Variants in ANK2 observed in about 807,000 individuals in gnomAD.
ANK2 encodes the protein ankyrin-2.
A neutral mutation model predicts 360.5 loss-of-function variants in ANK2; 83 were observed. That is an observed-to-expected ratio of 0.23 (90% CI 0.19 to 0.28). The LOEUF (loss-of-function observed/expected upper bound fraction) is 0.28. Among genes scored for constraint, ANK2 ranks in the 10% least tolerant of loss-of-function variants. The pLI is 1.00. For synonymous variants in ANK2, 1,740 were observed against 1,759.5 expected (o/e 0.99, Z 0.28); for missense variants, 4,201 against 4,795.7 (o/e 0.88, Z 3.66).
At chr4:113,293,664 G>T in intron 22 of ANK2, 126 bp downstream of exon 22, 1 of 925,362 alleles carries the variant, frequency 1.1e-6, no homozygotes, top group South Asian at 1.4e-5. Flanking sequence ...TTTGTTGAAA[G>T]TATTGTAGCA....
chr4:112,752,840 A>AT, the ANK2 span, among the ~76,000 whole-genome samples: 1 of 152,022 alleles, frequency 6.6e-6, no homozygotes, highest in Admixed American at 6.5e-5. Flanking sequence ...TAATTTTTGT[A>AT]TTTTTTGTAG....
rs1172908452 is a variant in ANK2 at position 113,359,633 on chromosome 4, T to G, written c.10681+334T>G. ...TGAAGTCCCAAGCTTAGACTCAAAT[T>G]AAGCACTTTTGCACATAAATATATT... On this transcript the variant is annotated intron_variant, in intron 38 of 45. Coordinates refer to ENST00000357077, the MANE Select transcript of ANK2 (RefSeq NM_001148.6). Among the ~76,000 whole-genome samples, 3 of 152,338 alleles carry G rather than the reference T, an allele frequency of 2.0e-5. No homozygotes were observed. The East Asian group carries it at 5.8e-4, about 29-fold the overall frequency.
rs772639803 is a variant in ANK2, at chr4:113,356,958, G to A, written c.8340G>A (p.Met2780Ile). Residue 2780 changes from methionine (M) to isoleucine (I), a missense_variant, in exon 38 of 46, where the codon ATG becomes ATA. Met to Ile is a conservative substitution (Grantham distance 10, BLOSUM62 1). Transcript: ENST00000357077. ...GTGATGGCCATGGATGTGAGGCCAT[G>A]AGTCCTAGCAGCTCAGCTGCTCCTG... Reference protein sequence around the residue: ...KICDGHGCEAMSPSSSAAPVS... With the variant: ...KICDGHGCEAISPSSSAAPVS... 3.1e-6 allele frequency: 5 copies of A among 1,614,090 alleles called. No individual in the cohort carries two copies. Among genetic ancestry groups the A allele is most frequent in the African/African-American group, 1.3e-5 (1 of 75,044 alleles).
chr4:112,712,730 A>T, the ANK2 span, among the ~76,000 whole-genome samples: 1 of 152,138 alleles, frequency 6.6e-6, no homozygotes, highest in Admixed American at 6.5e-5. Context: ...TTTAATTTTT[A>T]TTTTATAAAA....
At chr4:113,379,123 A>G (rs924143434) in intron 45 of ANK2, among the ~76,000 whole-genome samples, 1 of 152,230 alleles carries the variant, frequency 6.6e-6, no homozygotes, top group Admixed American at 6.5e-5. Context: ...GGAATTTAAA[A>G]GAGTGTAATT....
At chr4:113,205,235 CAAAAAAAAAA>C (rs369993364) in intron 4 of ANK2, among the ~76,000 whole-genome samples, 2 of 64,026 alleles carry the variant, frequency 3.1e-5, no homozygotes, top group South Asian at 9.2e-4. Flanking sequence ...GACTCCGTCT[CAAAAAAAAAA>C]AAAAAAAAAA....
intron 2 of ANK2, among the ~76,000 whole-genome samples, chr4:112,936,325 C>T (rs2154241909): frequency 6.6e-6 from 1 of 151,666 alleles, no homozygotes; most frequent in East Asian, 1.9e-4. Flanking sequence ...TTTCTATGTG[C>T]TAGATACTTT....
the ANK2 span, among the ~76,000 whole-genome samples, chr4:112,764,143 C>T: frequency 2.0e-5 from 3 of 150,830 alleles, no homozygotes; most frequent in Middle Eastern, 3.5e-3. Flanking sequence ...CGGGGTTTCA[C>T]CATCTTGGCC....
At chr4:113,218,355 T>C (rs569175224) in intron 4 of ANK2, among the ~76,000 whole-genome samples, 1 of 152,110 alleles carries the variant, frequency 6.6e-6, no homozygotes, top group South Asian at 2.1e-4. Flanking sequence ...GGAATCCCCT[T>C]GGAATGTGTC....
At chr4:112,749,980 G>A in the ANK2 span, among the ~76,000 whole-genome samples, 5 of 152,138 alleles carry the variant, frequency 3.3e-5, no homozygotes, top group Admixed American at 2.0e-4. Context: ...TCCTGACCCC[G>A]TGATCCGCCC....
chr4:113,120,323 T>A (rs1582166509), intron 1 of ANK2, among the ~76,000 whole-genome samples: 1 of 152,272 alleles, frequency 6.6e-6, no homozygotes, highest in Middle Eastern at 3.4e-3. Flanking sequence ...TAGCAAGTAA[T>A]TTCTTTGTAT....
chr4:112,941,678 GATAT>G (rs1192869240), intron 2 of ANK2, among the ~76,000 whole-genome samples: 1 of 142,076 alleles, frequency 7.0e-6, no homozygotes, highest in Non-Finnish European at 1.5e-5. Flanking sequence ...TATATAAAAG[GATAT>G]ATAAAGATAT....
the ANK2 span, among the ~76,000 whole-genome samples, chr4:112,734,451 G>A: frequency 6.6e-6 from 1 of 152,140 alleles, no homozygotes; most frequent in African/African-American, 2.4e-5. Context: ...CTTTTCCTGT[G>A]TCCAGAGTCA....
chr4:112,917,910 CAAT>C (rs567996484), intron 2 of ANK2, among the ~76,000 whole-genome samples: 1 of 152,106 alleles, frequency 6.6e-6, no homozygotes, highest in Non-Finnish European at 1.5e-5. Flanking sequence ...GAAGGGGAAA[CAAT>C]AATATAATTT....
At chr4:113,020,550 G>A (rs756976414) in intron 2 of ANK2, among the ~76,000 whole-genome samples, 3 of 152,046 alleles carry the variant, frequency 2.0e-5, no homozygotes. Flanking sequence ...CAAAATGGCC[G>A]GCTGCGCTGG....
intron 1 of ANK2, among the ~76,000 whole-genome samples, chr4:113,073,341 A>G (rs142818587): frequency 1.2e-4 from 19 of 152,088 alleles, no homozygotes; most frequent in African/African-American, 3.9e-4. Flanking sequence ...AAAAATAATA[A>G]CTAGAGGAGC....
At chr4:113,232,752 T>C (rs1170846669) in intron 5 of ANK2, among the ~76,000 whole-genome samples, 1 of 152,078 alleles carries the variant, frequency 6.6e-6, no homozygotes, top group Non-Finnish European at 1.5e-5. Context: ...GTGTGACTGA[T>C]TATGGCAACA....
intron 2 of ANK2, among the ~76,000 whole-genome samples, chr4:112,996,897 C>T (rs1230485529): frequency 6.6e-6 from 1 of 151,426 alleles, no homozygotes; most frequent in Non-Finnish European, 1.5e-5. Context: ...CGATCCCCAG[C>T]CCCCTACTAC....
intron 1 of ANK2, among the ~76,000 whole-genome samples, chr4:112,876,231 G>T (rs2075065858): frequency 6.6e-6 from 1 of 152,106 alleles, no homozygotes; most frequent in Non-Finnish European, 1.5e-5. Context: ...GGGATTCACT[G>T]CAGCGATAAT....
Sources: gnomAD v4.1 joint callset for allele counts (sites outside exome capture counted in the v4.1 genomes callset) on GRCh38, gnomAD v4.1.1 for gene constraint, MANE v1.5 for transcripts, NCBI Gene and HGNC (gene_info 2026-07-23, HGNC 2026-07-21) for gene names.